PCNX2: variants seen among roughly 807,000 people sequenced by gnomAD.
The protein encoded by PCNX2 is pecanex 2, also known as pecanex-like protein 2.
PCNX2 carries 168 observed loss-of-function variants against 223.8 expected under a neutral mutation model. The ratio of observed to expected loss-of-function variants is 0.75; its 90% CI spans 0.66 to 0.85. The LOEUF (loss-of-function observed/expected upper bound fraction) is 0.85. PCNX2 is among the 40% of genes least tolerant of loss of function. The probability of loss-of-function intolerance (pLI) is 0.00; values close to 1 mark genes in which losing one functional copy is unlikely to be tolerated. For synonymous variants in PCNX2, 1,006 were observed against 1,052.6 expected (o/e 0.96, Z 0.86); for missense variants, 2,507 against 2,675.5 (o/e 0.94, Z 1.39).
intron 13 of PCNX2, 119 bp from the exon 14 acceptor site, chr1:233,200,383 CTTTTTTTTT>C (rs1011802481): frequency 1.4e-5 from 3 of 210,944 alleles, no homozygotes; most frequent in South Asian, 3.9e-5. Context: ...TGGAGGCAAT[CTTTTTTTTT>C]TTTTTTTTTT....
chr1:233,028,496 A>G (rs1002565808), intron 25 of PCNX2, among the ~76,000 whole-genome samples: 3 of 152,166 alleles, frequency 2.0e-5, no homozygotes, highest in Non-Finnish European at 2.9e-5. Context: ...TAGTGTGGTG[A>G]TACACCTCAT....
chr1:233,319,864 CATT>C, the PCNX2 span, among the ~76,000 whole-genome samples: 1 of 152,168 alleles, frequency 6.6e-6, no homozygotes, highest in Non-Finnish European at 1.5e-5. Context: ...TTAAAGATAA[CATT>C]AATAATTCCA....
At chr1:233,318,024 A>G in the PCNX2 span, among the ~76,000 whole-genome samples, 1 of 152,186 alleles carries the variant, frequency 6.6e-6, no homozygotes, top group Non-Finnish European at 1.5e-5. Flanking sequence ...AAACACACAC[A>G]CATACACACT....
chr1:233,163,472 C>A (rs771819043), intron 17 of PCNX2, among the ~76,000 whole-genome samples: 36 of 151,618 alleles, frequency 2.4e-4, no homozygotes, highest in Non-Finnish European at 3.2e-4. Context: ...GGTGACAGAG[C>A]GAGACTCTGT....
Position 233,295,230 on chromosome 1 carries a change from C to A in PCNX2, c.153+96G>T. Reference sequence around the variant, plus strand: ...TCCGTCTCTTAAGAATCTCTACGAACCCGAAAGCCCGTGAGGCTGATGGCA... The same window carrying A: ...TCCGTCTCTTAAGAATCTCTACGAAACCGAAAGCCCGTGAGGCTGATGGCA... On this transcript the variant is annotated intron_variant, in intron 1 of 33. Transcript: ENST00000258229. This position sits in a 1 kb window ranked among gnomAD's most constrained non-coding sequence, Gnocchi z 4.1. The A allele has an allele frequency of 1.3e-6, 2 of 1,513,842 alleles. No homozygotes were observed. Among genetic ancestry groups the A allele is most frequent in the Non-Finnish European group, 1.8e-6 (2 of 1,116,310 alleles). 93.8% of individuals were successfully genotyped at this position (1,513,842 alleles called of 1,614,324 possible). A position where few individuals can be genotyped will look rare whatever the true frequency, so the allele number is the denominator to read the frequency against.
intron 16 of PCNX2, among the ~76,000 whole-genome samples, chr1:233,178,548 T>G (rs915815944): frequency 5.3e-5 from 8 of 152,244 alleles, no homozygotes; most frequent in African/African-American, 1.9e-4. Flanking sequence ...AAATACATTT[T>G]AACACTTTGG....
chr1:233,151,693 A>G (rs1298835648), intron 19 of PCNX2, among the ~76,000 whole-genome samples: 2 of 151,724 alleles, frequency 1.3e-5, no homozygotes, highest in Admixed American at 1.3e-4. Context: ...TTTATTTTTG[A>G]GACAAAGTCT....
At chr1:233,100,154 T>C (rs1674403429) in intron 21 of PCNX2, among the ~76,000 whole-genome samples, 1 of 152,138 alleles carries the variant, frequency 6.6e-6, no homozygotes. Flanking sequence ...GGCTCACGCC[T>C]GTAATCCCAG....
intron 1 of PCNX2, among the ~76,000 whole-genome samples, chr1:233,271,904 A>G (rs773014502): frequency 5.9e-5 from 9 of 152,116 alleles, no homozygotes; most frequent in Non-Finnish European, 1.0e-4. Flanking sequence ...AAATCAGGTA[A>G]TGTGATGCCT....
intron 1 of PCNX2, among the ~76,000 whole-genome samples, chr1:233,272,229 T>C (rs1405813244): frequency 6.6e-6 from 1 of 150,716 alleles, no homozygotes; most frequent in Non-Finnish European, 1.5e-5. Flanking sequence ...GAGAAAATCT[T>C]CACAATCTAT....
intron 17 of PCNX2, 57 bp from the exon 18 acceptor site, chr1:233,161,420 G>GT (rs1678473558): frequency 1.4e-6 from 2 of 1,437,740 alleles, no homozygotes; most frequent in East Asian, 4.6e-5. Flanking sequence ...GCAACTCTGT[G>GT]TAACCAGGTA....
chr1:233,162,692 G>A (rs1467815351), intron 17 of PCNX2, among the ~76,000 whole-genome samples: 1 of 152,200 alleles, frequency 6.6e-6, no homozygotes, highest in African/African-American at 2.4e-5. Flanking sequence ...GACCTTTCTA[G>A]AGGAACATTC....
intron 1 of PCNX2, among the ~76,000 whole-genome samples, chr1:233,292,247 C>T (rs1328842504): frequency 1.5e-5 from 2 of 137,154 alleles, no homozygotes; most frequent in Admixed American, 7.6e-5. Context: ...TGCTCTGTCA[C>T]CCAGCCTGGA....
the PCNX2 span, among the ~76,000 whole-genome samples, chr1:233,310,397 C>A: frequency 2.0e-5 from 3 of 152,078 alleles, no homozygotes; most frequent in African/African-American, 7.2e-5. Flanking sequence ...TATACAGACC[C>A]AAATAATTAT....
At chr1:233,013,540 A>G (rs535243873) in intron 28 of PCNX2, among the ~76,000 whole-genome samples, 14 of 152,332 alleles carry the variant, frequency 9.2e-5, no homozygotes, top group African/African-American at 3.4e-4. Context: ...AAACAAATAG[A>G]CAGGTGGGTT....
chr1:233,018,711 G>A (rs1337471849), intron 26 of PCNX2: 2 of 956,354 alleles, frequency 2.1e-6, no homozygotes, highest in African/African-American at 3.5e-5. Context: ...AAATGCAGGT[G>A]GTGCTCCAGG....
intron 25 of PCNX2, among the ~76,000 whole-genome samples, chr1:233,027,903 C>T (rs997747783): frequency 6.6e-6 from 1 of 152,176 alleles, no homozygotes; most frequent in Non-Finnish European, 1.5e-5. Context: ...CTATGCATTG[C>T]TTTAGTTGCA....
intron 1 of PCNX2, chr1:233,289,215 C>T (rs529031079): frequency 1.8e-5 from 16 of 866,840 alleles, no homozygotes; most frequent in African/African-American, 1.2e-4. Flanking sequence ...ACATACTAGC[C>T]GGACTTGGAT....
chr1:233,317,415 AAAACAAAC>A, the PCNX2 span, among the ~76,000 whole-genome samples: 1 of 150,674 alleles, frequency 6.6e-6, no homozygotes, highest in South Asian at 2.1e-4. Context: ...CTCTGTCTCA[AAAACAAAC>A]AAACAAACAA....
Sources: gnomAD v4.1 joint callset for allele counts (sites outside exome capture counted in the v4.1 genomes callset) on GRCh38, gnomAD v4.1.1 for gene constraint, Gnocchi (gnomAD v3.1) non-coding constraint, MANE v1.5 for transcripts, NCBI Gene and HGNC (gene_info 2026-07-23, HGNC 2026-07-21) for gene names.